Variants in ADGRL2 observed in about 807,000 individuals in gnomAD.
The protein encoded by ADGRL2 is calcium-independent alpha-latrotoxin receptor 2.
Under a neutral mutation model 157.4 loss-of-function variants are expected in ADGRL2, and 44 were observed. The ratio of observed to expected loss-of-function variants is 0.28; its 90% confidence interval spans 0.22 to 0.36. The LOEUF (loss-of-function observed/expected upper bound fraction) is 0.36. Ranked by LOEUF, ADGRL2 falls within the 10% of genes least tolerant of loss-of-function variation. The probability of loss-of-function intolerance (pLI) is 1.00; values close to 1 mark genes in which losing one functional copy is unlikely to be tolerated. For synonymous variants in ADGRL2, 585 were observed against 624.7 expected (o/e 0.94, Z 0.95); for missense variants, 1,510 against 1,768.9 (o/e 0.85, Z 2.63).
chr1:81,712,005 ACCCAAGTGTCCG>A (rs960892024), intron 1 of ADGRL2, among the ~76,000 whole-genome samples: 2 of 152,208 alleles, frequency 1.3e-5, no homozygotes, highest in Non-Finnish European at 2.9e-5. Context: ...CCTGAAGGAC[ACCCAAGTGTCCG>A]CCAAGTAGAG....
intron 3 of ADGRL2, among the ~76,000 whole-genome samples, chr1:81,674,195 A>G (rs1570798388): frequency 6.6e-6 from 1 of 152,318 alleles, no homozygotes; most frequent in East Asian, 1.9e-4. Flanking sequence ...GCCTTGAAAC[A>G]TAAACAAAAC....
rs1557983935 is a variant in ADGRL2 at position 81,951,224 on chromosome 1, G to A, written c.1608+103G>A. On this transcript the variant is annotated intron_variant, in intron 8 of 23. Transcript: ENST00000686636. ...GTTAAAACCAGCTTTATTGCTCTTT[G>A]TTCAGTATAAAAGTAAAAAAAAATT... The A allele has an allele frequency of 6.7e-6, 5 of 745,802 alleles. No individual in the cohort carries two copies. The East Asian group carries it at 1.3e-4, about 20-fold the overall frequency. The allele number at this position is 745,802 out of a possible 1,614,324, so 46.2% of individuals were successfully genotyped here.
chr1:81,539,819 A>C (rs1347585210), intron 2 of ADGRL2, among the ~76,000 whole-genome samples: 1 of 152,086 alleles, frequency 6.6e-6, no homozygotes, highest in East Asian at 1.9e-4. Flanking sequence ...AAAGATTAAA[A>C]AAAAAAAAAG....
intron 2 of ADGRL2, among the ~76,000 whole-genome samples, chr1:81,553,104 G>C (rs1322077353): frequency 2.6e-5 from 4 of 152,100 alleles, no homozygotes; most frequent in African/African-American, 4.8e-5. Flanking sequence ...ACAGAAAAGA[G>C]CTTAGCTGGA....
chr1:81,676,522 A>G (rs2082993892), intron 3 of ADGRL2, among the ~76,000 whole-genome samples: 1 of 150,670 alleles, frequency 6.6e-6, no homozygotes, highest in Non-Finnish European at 1.5e-5. Context: ...GCTGTTTTTG[A>G]ACTTCTGGAC....
intron 3 of ADGRL2, among the ~76,000 whole-genome samples, chr1:81,652,230 A>T (rs1054096719): frequency 1.3e-5 from 2 of 152,224 alleles, no homozygotes. Context: ...CAAATAAACT[A>T]CATTTCTGTG....
chr1:81,401,063 G>T (rs3924204), intron 1 of ADGRL2, among the ~76,000 whole-genome samples: 2,312 of 152,282 alleles, frequency 0.015, 65 homozygotes, highest in African/African-American at 0.053. Context: ...GGCAGGATGC[G>T]ACTTCAGCTT....
chr1:81,420,429 T>G (rs1318102054), intron 1 of ADGRL2, among the ~76,000 whole-genome samples: 3 of 152,172 alleles, frequency 2.0e-5, no homozygotes, highest in Admixed American at 2.0e-4. Context: ...CCCACAATAA[T>G]GAAAGCAAAT....
chr1:81,587,975 G>A (rs1247262473), intron 3 of ADGRL2, among the ~76,000 whole-genome samples: 1 of 152,136 alleles, frequency 6.6e-6, no homozygotes, highest in African/African-American at 2.4e-5. Context: ...AATAGTAGAA[G>A]ATGGGTGCTT....
intron 2 of ADGRL2, among the ~76,000 whole-genome samples, chr1:81,778,235 T>C (rs2086670043): frequency 1.3e-5 from 2 of 150,620 alleles, no homozygotes; most frequent in South Asian, 4.2e-4. Context: ...AGCAGGAGAA[T>C]GGCGTGAACT....
At chr1:81,361,253 G>C (rs2100912751) in intron 1 of ADGRL2, among the ~76,000 whole-genome samples, 1 of 151,996 alleles carries the variant, frequency 6.6e-6, no homozygotes, top group Non-Finnish European at 1.5e-5. Flanking sequence ...TGCCATTTTG[G>C]AGACTGCTGA....
chr1:81,329,119 G>A (rs190169304), intron 1 of ADGRL2, among the ~76,000 whole-genome samples: 2 of 152,196 alleles, frequency 1.3e-5, no homozygotes, highest in East Asian at 3.9e-4. Flanking sequence ...TGTTCCCACT[G>A]TCTAACTGCT....
At chr1:81,369,668 G>A (rs1272179820) in intron 1 of ADGRL2, among the ~76,000 whole-genome samples, 1 of 151,876 alleles carries the variant, frequency 6.6e-6, no homozygotes, top group Non-Finnish European at 1.5e-5. Context: ...GCAAAAGAAA[G>A]CTAGACTAAA....
chr1:81,557,649 A>C (rs768946237), intron 2 of ADGRL2: 1 of 152,340 alleles, frequency 6.6e-6, no homozygotes, highest in Non-Finnish European at 1.5e-5. Context: ...TGCAGTTGAC[A>C]TAGTCCTGAC....
intron 1 of ADGRL2, among the ~76,000 whole-genome samples, chr1:81,331,115 A>C (rs1661238627): frequency 6.6e-6 from 1 of 152,158 alleles, no homozygotes; most frequent in African/African-American, 2.4e-5. Flanking sequence ...CATCTACATC[A>C]AACCAAAACA....
intron 2 of ADGRL2, among the ~76,000 whole-genome samples, chr1:81,894,240 A>G (rs1244154149): frequency 6.6e-6 from 1 of 152,136 alleles, no homozygotes; most frequent in Admixed American, 6.5e-5. Context: ...GCAATAAATT[A>G]GTGCTATTTT....
At chr1:81,958,130 G>C (rs1394640045) in intron 11 of ADGRL2, among the ~76,000 whole-genome samples, 1 of 151,716 alleles carries the variant, frequency 6.6e-6, no homozygotes, top group African/African-American at 2.4e-5. Context: ...GGTGGGGGGT[G>C]CCTGTAATCC....
chr1:81,310,093 C>T (rs192303872), intron 1 of ADGRL2, among the ~76,000 whole-genome samples: 3 of 152,212 alleles, frequency 2.0e-5, no homozygotes, highest in African/African-American at 7.2e-5. Context: ...AAAATTTCCC[C>T]AGCCAAAATA....
At chr1:81,736,837 C>T (rs1329594336) in intron 1 of ADGRL2, among the ~76,000 whole-genome samples, 2 of 151,856 alleles carry the variant, frequency 1.3e-5, no homozygotes, top group African/African-American at 2.4e-5. Context: ...ACAGAGACTC[C>T]CTCACTCTTT....
Sources: gnomAD v4.1 joint callset for allele counts (sites outside exome capture counted in the v4.1 genomes callset) on GRCh38, gnomAD v4.1.1 for gene constraint, MANE v1.5 for transcripts, NCBI Gene and HGNC (gene_info 2026-07-23, HGNC 2026-07-21) for gene names.